The following NEK1 variants were observed in gnomAD, a reference collection of about 807,000 sequenced individuals.
The protein encoded by NEK1 is NIMA related kinase 1.
In NEK1, 137 loss-of-function variants were observed where a neutral mutation model predicts 182.1. The observed-to-expected ratio is 0.75, with a 90% CI of 0.65 to 0.87. NEK1 has a LOEUF of 0.87. NEK1 is among the 40% of genes least tolerant of loss of function. The probability of loss-of-function intolerance (pLI) is 0.00; values close to 1 mark genes in which losing one functional copy is unlikely to be tolerated. For synonymous variants in NEK1, 513 were observed against 492.2 expected, an observed-to-expected ratio of 1.04 and a Z score of -0.56; for missense variants, 1,391 against 1,494.4, an observed-to-expected ratio of 0.93 and a Z score of 1.14.
chr4:169,608,343 GA>G (rs1771741884), intron 2 of NEK1, among the ~76,000 whole-genome samples: 1 of 152,118 alleles, frequency 6.6e-6, no homozygotes, highest in Non-Finnish European at 1.5e-5. Flanking sequence ...GATGAATTTT[GA>G]AATAAAAAGT....
intron 27 of NEK1, among the ~76,000 whole-genome samples, chr4:169,448,906 G>A (rs886528451): frequency 6.6e-6 from 1 of 152,260 alleles, no homozygotes; most frequent in Admixed American, 6.5e-5. Context: ...TCCTAGCCAA[G>A]GGAAGCCGTG....
At position 169,588,705 on chromosome 4, in the gene NEK1, C is replaced by A; in HGVS notation, c.495G>T (p.Gly165=). ...STVELARTCI[G]TPYYLSPEIC... ...TTTCAGGTGACAAGTAGTATGGGGT[C>A]CCTATGCAAGTTCGAGCCAGCTCTA... Residue 165 remains glycine (G), a synonymous_variant, in exon 8 of 36, where the codon GGG becomes GGT. Transcript: ENST00000507142. 6.5e-7 allele frequency: 1 copy of A among 1,549,824 alleles called. No homozygotes were observed. Among genetic ancestry groups the A allele is most frequent in the Non-Finnish European group, 8.7e-7 (1 of 1,145,332 alleles).
chr4:169,470,986 T>C (rs1426204946), intron 26 of NEK1, among the ~76,000 whole-genome samples: 1 of 152,238 alleles, frequency 6.6e-6, no homozygotes, highest in Non-Finnish European at 1.5e-5. Context: ...TAATTTATGT[T>C]GTTCTCATAA....
chr4:169,549,369 T>C (rs1271368253), intron 18 of NEK1, among the ~76,000 whole-genome samples: 3 of 152,322 alleles, frequency 2.0e-5, no homozygotes, highest in African/African-American at 4.8e-5. Flanking sequence ...GTGCCGATCT[T>C]GTTGGGAGCT....
At chr4:169,425,692 A>AT (rs894791739) in intron 30 of NEK1, among the ~76,000 whole-genome samples, 2 of 151,976 alleles carry the variant, frequency 1.3e-5, no homozygotes, top group African/African-American at 2.4e-5. Flanking sequence ...AATTTAAAAA[A>AT]TTTTTTGTAG....
intron 19 of NEK1, among the ~76,000 whole-genome samples, chr4:169,532,633 AT>A (rs1383056320): frequency 6.6e-6 from 1 of 152,132 alleles, no homozygotes; most frequent in African/African-American, 2.4e-5. Flanking sequence ...TAAAACTGCT[AT>A]AAAAAATAAA....
intron 5 of NEK1, among the ~76,000 whole-genome samples, chr4:169,598,309 C>G (rs1014118404): frequency 2.0e-5 from 3 of 152,072 alleles, no homozygotes; most frequent in Admixed American, 6.5e-5. Context: ...ACAGTGCTCC[C>G]TCTACTCCCC....
chr4:169,474,194 T>C lies in NEK1; in HGVS notation c.2434+2930A>G, dbSNP rs139360885. 4.6e-5 allele frequency among the ~76,000 whole-genome samples: 7 copies of C among 152,236 alleles called. No individual in the cohort carries two copies. The East Asian group carries it at 9.6e-4, about 21-fold the overall frequency. ...AGTGAAAGGTGAGAAGTAGTTCTAG[T>C]GAACTAGTTAGAAGGAAATGGATAC... On this transcript the variant is annotated intron_variant, in intron 26 of 35. Transcript: ENST00000507142.
At chr4:169,553,400 A>G (rs1207732518) in intron 18 of NEK1, among the ~76,000 whole-genome samples, 1 of 152,198 alleles carries the variant, frequency 6.6e-6, no homozygotes, top group Non-Finnish European at 1.5e-5. Flanking sequence ...TTAAACTATA[A>G]AACTCCTAGA....
chr4:169,454,625 T>G (rs1742492466), intron 27 of NEK1, among the ~76,000 whole-genome samples: 1 of 152,178 alleles, frequency 6.6e-6, no homozygotes, highest in Non-Finnish European at 1.5e-5. Flanking sequence ...AAAGCCACAA[T>G]GAGATACCAT....
Position 169,463,303 on chromosome 4 carries a change from G to A in NEK1, c.2527C>T (p.Leu843Phe), listed in dbSNP as rs1561232304. The A allele has an allele frequency of 1.2e-6, 2 of 1,604,536 alleles. No homozygotes were observed. The highest frequency in any genetic ancestry group is 1.7e-6 in the Non-Finnish European group (2 of 1,174,904). ...TGAAGTTGTAGTTCAGCTTCTCCAA[G>A]TATCTTTAGAACAGAATCTGTCGGA... The part of the protein sequence containing the change: ...KSPTDSVLKI[L>F]GEAELQLQTE... Residue 843 changes from leucine (L) to phenylalanine (F), a missense_variant, in exon 27 of 36, where the codon CTT becomes TTT. By Grantham distance (22) the Leu-to-Phe change is conservative. This residue lies in a region of NEK1 where 1,216 missense variants were observed against 1,277.6 expected (regional missense o/e 0.95). Coordinates refer to ENST00000507142, the MANE Select transcript of NEK1 (RefSeq NM_001199397.3).
intron 19 of NEK1, among the ~76,000 whole-genome samples, chr4:169,532,180 G>A (rs71622347): frequency 0.041 from 6,249 of 152,192 alleles, 168 homozygotes; most frequent in African/African-American, 0.063. Flanking sequence ...TGGCGGCTAC[G>A]TAACTATATA....
intron 32 of NEK1, among the ~76,000 whole-genome samples, chr4:169,404,999 CT>C (rs1046384267): frequency 2.6e-5 from 4 of 152,134 alleles, no homozygotes; most frequent in African/African-American, 9.7e-5. Context: ...ATGAACAAAA[CT>C]GGTCGACCTG....
intron 23 of NEK1, among the ~76,000 whole-genome samples, chr4:169,488,131 C>T (rs376241282): frequency 6.6e-6 from 1 of 152,052 alleles, no homozygotes; most frequent in Non-Finnish European, 1.5e-5. Flanking sequence ...GTTGTCTGTT[C>T]ACTCTGATGA....
At chr4:169,534,246 A>G (rs1758109507) in intron 19 of NEK1, among the ~76,000 whole-genome samples, 1 of 152,228 alleles carries the variant, frequency 6.6e-6, no homozygotes, top group African/African-American at 2.4e-5. Flanking sequence ...CAAACACTGG[A>G]CAACAGACAG....
At position 169,394,407 on chromosome 4, in the gene NEK1, T is replaced by C. The variant is rs1730360969; in HGVS notation, c.*103A>G. 2.8e-6 allele frequency: 2 copies of C among 725,522 alleles called. No individual in the cohort carries two copies. Among genetic ancestry groups the C allele is most frequent in the African/African-American group, 3.7e-5 (2 of 54,370 alleles). 44.9% of individuals were successfully genotyped at this position (725,522 alleles called of 1,614,324 possible). A position where few individuals can be genotyped will look rare whatever the true frequency, so the allele number is the denominator to read the frequency against. ...TAAGAAAGTCCATCTTAAATCTGAT[T>C]TTTTAAATAAATAATTGCTGTATTT... is the stretch of plus-strand genomic sequence containing the variant. On this transcript the variant is annotated 3_prime_UTR_variant, in exon 36 of 36. Coordinates refer to ENST00000507142, the MANE Select transcript of NEK1 (RefSeq NM_001199397.3).
intron 27 of NEK1, among the ~76,000 whole-genome samples, chr4:169,459,889 T>A (rs1456803874): frequency 6.6e-6 from 1 of 152,016 alleles, no homozygotes; most frequent in Non-Finnish European, 1.5e-5. Flanking sequence ...AAGGGAGGGA[T>A]AATATAAGCA....
At position 169,491,157 on chromosome 4, in the gene NEK1, AAAAAAAG is replaced by A. The variant is rs1382977557; in HGVS notation, c.2008-11630_2008-11624del. On this transcript the variant is annotated intron_variant, in intron 23 of 35. Transcript: ENST00000507142. ...ATCTCAAAAAAAAAAAAAAAAAAAA[AAAAAAAG>A]AGAGATGGAGAAAGGCACAGAAGGC... Among the ~76,000 whole-genome samples the A allele has an allele frequency of 2.2e-3, 310 of 143,658 alleles. 8 individuals carry two copies. Among genetic ancestry groups the A allele is most frequent in the African/African-American group, 7.6e-3 (292 of 38,378 alleles). The allele number at this position is 143,658 out of a possible 152,430, so 94.2% of individuals were successfully genotyped here. A position where few individuals can be genotyped will look rare whatever the true frequency, so the allele number is the denominator to read the frequency against.
chr4:169,489,411 A>T (rs747793153), intron 23 of NEK1, among the ~76,000 whole-genome samples: 1 of 152,234 alleles, frequency 6.6e-6, no homozygotes, highest in Admixed American at 6.5e-5. Flanking sequence ...TGAATTGATA[A>T]CTGCATTTTG....
Sources: gnomAD v4.1 joint callset for allele counts (sites outside exome capture counted in the v4.1 genomes callset) on GRCh38, gnomAD v4.1.1 for gene constraint, gnomAD v4.1.1 regional missense constraint, MANE v1.5 for transcripts, NCBI Gene and HGNC (gene_info 2026-07-23, HGNC 2026-07-21) for gene names.